The following UMPS variants were observed in gnomAD, a reference collection of about 807,000 sequenced individuals.
UMPS encodes the protein uridine monophosphate synthetase, also known as uridine 5'-monophosphate synthase.
A neutral mutation model predicts 38.9 loss-of-function variants in UMPS; 21 were observed. The observed-to-expected ratio is 0.54, with a 90% CI of 0.38 to 0.78. UMPS has a LOEUF of 0.78. Ranked by LOEUF, UMPS falls within the 30% of genes least tolerant of loss-of-function variation. The pLI is 0.00. For missense variants in UMPS, 533 were observed against 591.6 expected (o/e 0.90, Z 1.03); for synonymous variants, 208 against 219.3 (o/e 0.95, Z 0.45).
intron 3 of UMPS, chr3:124,738,766 A>G (rs967448012): frequency 6.4e-6 from 1 of 155,864 alleles, no homozygotes; most frequent in African/African-American, 2.4e-5. Flanking sequence ...AAAAAGTTCT[A>G]TTGATAAACA....
In UMPS at chr3:124,746,123, C is replaced by T; in HGVS notation, c.*2039C>T. ...TCTGCCTCCTGCTAAGAGTCACATG[C>T]TCCTGTCCTTTAGAAATGTGGGCTC... On this transcript the variant is annotated 3_prime_UTR_variant, in exon 6 of 6. Transcript: ENST00000232607. 2.2e-6 allele frequency: 1 copy of T among 454,046 alleles called. No individual in the cohort carries two copies. Among genetic ancestry groups the T allele is most frequent in the South Asian group, 1.6e-5 (1 of 64,480 alleles). 28.1% of individuals were successfully genotyped at this position (454,046 alleles called of 1,614,324 possible).
At chr3:124,731,233 C>T (rs999658037) in intron 1 of UMPS, among the ~76,000 whole-genome samples, 1 of 151,954 alleles carries the variant, frequency 6.6e-6, no homozygotes, top group African/African-American at 2.4e-5. Context: ...ACCGGGAAAA[C>T]GTGGGTAGGC....
rs761204645 is a variant in UMPS, at chr3:124,730,569, C to T, written c.98C>T (p.Ser33Phe). ...GACTTCGTGCTGAAGAGCGGGCTTT[C>T]CTCCCCCATCTACATCGATCTGCGG... ...FGDFVLKSGL[S>F]SPIYIDLRGI... Residue 33 changes from serine (S) to phenylalanine (F), a missense_variant, in exon 1 of 6, where the codon TCC becomes TTC. Physicochemically the swap from Ser to Phe is radical, Grantham distance 155. Coordinates refer to ENST00000232607, the MANE Select transcript of UMPS (RefSeq NM_000373.4). 8 of 1,613,746 alleles carry T rather than the reference C, an allele frequency of 5.0e-6. No individual in the cohort carries two copies. In the Admixed American group the frequency reaches 6.7e-5, roughly 13 times the overall value.
At chr3:124,737,510 A>C in intron 2 of UMPS, 58 bp from the exon 3 acceptor site, 1 of 1,513,916 alleles carries the variant, frequency 6.6e-7, no homozygotes, top group African/African-American at 1.4e-5. Flanking sequence ...GTGTACGTAT[A>C]TACGCACATA....
At chr3:124,742,992 C>G (rs1317031303) in intron 5 of UMPS, among the ~76,000 whole-genome samples, 1 of 151,922 alleles carries the variant, frequency 6.6e-6, no homozygotes, top group Non-Finnish European at 1.5e-5. Flanking sequence ...ATATTTAGGG[C>G]AACTTGAATT....
At chr3:124,734,495 G>A (rs2063503722) in intron 1 of UMPS, among the ~76,000 whole-genome samples, 1 of 152,180 alleles carries the variant, frequency 6.6e-6, no homozygotes, top group Admixed American at 6.5e-5. Context: ...AGTCTTTGGG[G>A]TCAACATCAT....
At position 124,746,205 on chromosome 3, in the gene UMPS, C is replaced by A. The variant is rs1211631034; in HGVS notation, c.*2121C>A. The A allele has an allele frequency of 2.2e-6, 1 of 454,052 alleles. No individual in the cohort carries two copies. 28.1% of individuals were successfully genotyped at this position (454,052 alleles called of 1,614,324 possible). A position where few individuals can be genotyped will look rare whatever the true frequency, so the allele number is the denominator to read the frequency against. ...GTTGATGAACCCTATTTCACAGGAC[C>A]CCTGCTAAGGTGATTTGAGGGGAAA... On this transcript the variant is annotated 3_prime_UTR_variant, in exon 6 of 6. Transcript: ENST00000232607.
In UMPS at chr3:124,746,155, T is replaced by C. The variant is rs765170597; in HGVS notation, c.*2071T>C. 2.2e-5 allele frequency: 10 copies of C among 453,842 alleles called. No individual in the cohort carries two copies. Among genetic ancestry groups the C allele is most frequent in the Non-Finnish European group, 4.0e-5 (9 of 226,654 alleles). 28.1% of individuals were successfully genotyped at this position (453,842 alleles called of 1,614,324 possible). ...CCTTTAGAAATGTGGGCTCCTGCCA[T>C]CTCCAGGACGCAGGCACTGTTCCTG... On this transcript the variant is annotated 3_prime_UTR_variant, in exon 6 of 6. Coordinates refer to ENST00000232607, the MANE Select transcript of UMPS (RefSeq NM_000373.4).
chr3:124,743,856 T>C (rs1395763822), intron 5 of UMPS, 59 bp from the exon 6 acceptor site: 6 of 1,604,450 alleles, frequency 3.7e-6, no homozygotes, highest in Non-Finnish European at 5.1e-6. Context: ...AGAGAAGTCA[T>C]GTGACAGGTT....
Position 124,737,977 on chromosome 3 carries a change from A to T in UMPS, c.720A>T (p.Ala240=), listed in dbSNP as rs1247888239. ...RAELPRIHPV[A]SKLLRLMQKK... ...AGCTGCCCAGGATCCACCCAGTTGC[A>T]TCGAAGCTTCTCAGGCTTATGCAAA... The change falls in exon 3 of 6, where the codon GCA becomes GCT. Residue 240 remains alanine, a synonymous_variant. Transcript: ENST00000232607. The T allele has an allele frequency of 6.2e-7, 1 of 1,614,182 alleles. No individual in the cohort carries two copies. The highest frequency in any genetic ancestry group is 1.7e-5 in the Admixed American group (1 of 60,022).
Position 124,738,306 on chromosome 3 carries a change from A to G in UMPS, c.982+67A>G, listed in dbSNP as rs777853570. The G allele has an allele frequency of 1.0e-5, 16 of 1,540,042 alleles. No individual in the cohort carries two copies. In the Admixed American group the frequency reaches 1.6e-4, roughly 16 times the overall value. ...GCTTAAACTGAAGAAGAAAAAGGAA[A>G]TGCTCATGTCATTGAAAGTCCATTC... On this transcript the variant is annotated intron_variant, in intron 3 of 5. Transcript: ENST00000232607.
At chr3:124,737,263 T>TAA (rs920043859) in intron 2 of UMPS, 9 of 294,466 alleles carry the variant, frequency 3.1e-5, no homozygotes, top group South Asian at 1.1e-4. Flanking sequence ...TTTTTTAAAG[T>TAA]AAAAAAAAAA....
In UMPS at chr3:124,747,672, A is replaced by G. The variant is rs1172247995; in HGVS notation, c.*3588A>G. ...ATGGAGTTCCAGGGTGGTTTATTAC[A>G]CGGCAATATCTAGCTAAATACATTT... is the stretch of plus-strand genomic sequence containing the variant. On this transcript the variant is annotated 3_prime_UTR_variant, in exon 6 of 6. Transcript: ENST00000232607. 4.4e-6 allele frequency: 2 copies of G among 453,268 alleles called. No homozygotes were observed. Among genetic ancestry groups the G allele is most frequent in the Non-Finnish European group, 8.8e-6 (2 of 226,140 alleles). 28.1% of individuals were successfully genotyped at this position (453,268 alleles called of 1,614,324 possible). A position where few individuals can be genotyped will look rare whatever the true frequency, so the allele number is the denominator to read the frequency against.
intron 4 of UMPS, 34 bp downstream of exon 4, chr3:124,740,233 G>A (rs2063547558): frequency 1.3e-6 from 2 of 1,578,256 alleles, no homozygotes; most frequent in Admixed American, 1.8e-5. Flanking sequence ...AGAGGGGGCA[G>A]GGGCTGCTAT....
At position 124,730,709 on chromosome 3, in the gene UMPS, C is replaced by T. The variant is rs1411969264; in HGVS notation, c.156+82C>T. ...ATGGAAGAGGGTGACAGGAGTTGGG[C>T]CGTGAGTGAGAGCAAAAGAGCCAAG... On this transcript the variant is annotated intron_variant, in intron 1 of 5. Transcript: ENST00000232607. 4.6e-6 allele frequency: 7 copies of T among 1,524,354 alleles called. No homozygotes were observed. The African/African-American group carries it at 8.3e-5, about 18-fold the overall frequency. The allele number at this position is 1,524,354 out of a possible 1,614,324, so 94.4% of individuals were successfully genotyped here. A position where few individuals can be genotyped will look rare whatever the true frequency, so the allele number is the denominator to read the frequency against.
At chr3:124,740,768 A>G (rs552026196) in intron 4 of UMPS, among the ~76,000 whole-genome samples, 1 of 151,946 alleles carries the variant, frequency 6.6e-6, no homozygotes, top group African/African-American at 2.4e-5. Context: ...CGTCATAGTG[A>G]GATCTCGTCT....
intron 1 of UMPS, among the ~76,000 whole-genome samples, chr3:124,734,706 C>T (rs894097345): frequency 1.3e-5 from 2 of 152,136 alleles, no homozygotes; most frequent in Admixed American, 6.5e-5. Flanking sequence ...TACGTTGTTA[C>T]ATGTTTATAC....
At position 124,743,977 on chromosome 3, in the gene UMPS, A is replaced by G. The variant is rs3772809; in HGVS notation, c.1336A>G (p.Ile446Val). ...AGTTATTGGCAAACGAGGTTCCGAT[A>G]TCATCATTGTAGGTCGTGGCATAAT... ...QEVIGKRGSD[I>V]IIVGRGIISA... The change falls in exon 6 of 6, where the codon ATC becomes GTC. Residue 446 changes from isoleucine (I) to valine (V), a missense_variant. Ile to Val is a conservative substitution (Grantham distance 29). Coordinates refer to ENST00000232607, the MANE Select transcript of UMPS (RefSeq NM_000373.4). 0.015 allele frequency: 25,003 copies of G among 1,614,206 alleles called. 362 individuals are homozygous for G. The highest frequency in any genetic ancestry group is 0.061 in the East Asian group (2,736 of 44,876).
intron 2 of UMPS, among the ~76,000 whole-genome samples, chr3:124,735,482 A>T (rs200799775): frequency 6.6e-6 from 1 of 151,912 alleles, no homozygotes; most frequent in East Asian, 1.9e-4. Flanking sequence ...GTATCTATGA[A>T]ACTCCAACAT....
Sources: allele counts gnomAD v4.1 joint callset (sites outside exome capture counted in the v4.1 genomes callset), GRCh38; gene constraint gnomAD v4.1.1; transcripts MANE v1.5; gene names NCBI Gene and HGNC (gene_info 2026-07-23, HGNC 2026-07-21).